THSD4: variants seen among roughly 807,000 people sequenced by gnomAD.
THSD4 encodes the protein thrombospondin type 1 domain containing 4, also known as thrombospondin type-1 domain-containing protein 4.
In THSD4, 69 loss-of-function variants were observed where a neutral mutation model predicts 119.0. The ratio of observed to expected loss-of-function variants is 0.58; its 90% confidence interval spans 0.48 to 0.71. The LOEUF is 0.71. Among genes scored for constraint, THSD4 ranks in the 30% least tolerant of loss-of-function variants. THSD4 has a pLI of 0.00. For synonymous variants in THSD4, 524 were observed against 540.4 expected, an observed-to-expected ratio of 0.97 and a Z score of 0.42; for missense variants, 1,393 against 1,391.1, an observed-to-expected ratio of 1.00 and a Z score of -0.02.
chr15:71,764,640 A>C (rs1026373443), intron 15 of THSD4, among the ~76,000 whole-genome samples: 7 of 152,368 alleles, frequency 4.6e-5, no homozygotes, highest in Middle Eastern at 3.4e-3. Context: ...TAAGAATGTC[A>C]GTTCATTGTC....
intron 7 of THSD4, among the ~76,000 whole-genome samples, chr15:71,567,174 G>A (rs1009897133): frequency 3.3e-5 from 5 of 152,160 alleles, no homozygotes; most frequent in African/African-American, 4.8e-5. Context: ...GAGGCAGCAC[G>A]TTGCAATCAT....
At chr15:71,099,691 A>T (rs1287050314) in intron 1 of THSD4, among the ~76,000 whole-genome samples, 1 of 152,122 alleles carries the variant, frequency 6.6e-6, no homozygotes, top group African/African-American at 2.4e-5. Context: ...TTTGCTGGGC[A>T]TGGTGGCTCA....
At chr15:71,683,604 T>C (rs2051843561) in intron 8 of THSD4, among the ~76,000 whole-genome samples, 1 of 152,200 alleles carries the variant, frequency 6.6e-6, no homozygotes, top group African/African-American at 2.4e-5. Flanking sequence ...AGGAATGTGA[T>C]CCTTGAATTC....
intron 4 of THSD4, among the ~76,000 whole-genome samples, chr15:71,217,841 C>G (rs115509949): frequency 0.036 from 5,135 of 141,536 alleles, 331 homozygotes; most frequent in African/African-American, 0.13. Flanking sequence ...GGCTAGAGTG[C>G]AGTGGTACCA....
At chr15:71,236,486 G>T (rs1217332914) in intron 4 of THSD4, among the ~76,000 whole-genome samples, 1 of 152,190 alleles carries the variant, frequency 6.6e-6, no homozygotes, top group African/African-American at 2.4e-5. Flanking sequence ...TGAGACTTCT[G>T]TTCCTACATA....
At chr15:71,516,217 T>C (rs1479638490) in intron 7 of THSD4, among the ~76,000 whole-genome samples, 1 of 152,222 alleles carries the variant, frequency 6.6e-6, no homozygotes, top group East Asian at 1.9e-4. Context: ...GAATAACATC[T>C]GTGTTTGGTG....
At chr15:71,259,937 G>C (rs1025851058) in intron 6 of THSD4, among the ~76,000 whole-genome samples, 8 of 152,172 alleles carry the variant, frequency 5.3e-5, no homozygotes, top group African/African-American at 1.4e-4. Flanking sequence ...GTGGATAATA[G>C]CTGCTTTATT....
At chr15:71,484,364 G>A (rs1595813577) in intron 7 of THSD4, among the ~76,000 whole-genome samples, 1 of 152,144 alleles carries the variant, frequency 6.6e-6, no homozygotes, top group African/African-American at 2.4e-5. Flanking sequence ...CTGGCCCTGG[G>A]TCTCTTCTTA....
At chr15:71,189,418 C>G (rs1484526739) in intron 3 of THSD4, among the ~76,000 whole-genome samples, 3 of 152,190 alleles carry the variant, frequency 2.0e-5, no homozygotes, top group African/African-American at 2.4e-5. Context: ...CGCCTGTAAT[C>G]CCAGCACTTT....
At chr15:71,622,086 C>G (rs779559585) in intron 7 of THSD4, among the ~76,000 whole-genome samples, 6 of 152,132 alleles carry the variant, frequency 3.9e-5, no homozygotes, top group Non-Finnish European at 8.8e-5. Flanking sequence ...ATTCCCGATG[C>G]CAAAAGTTGG....
At chr15:71,523,231 T>C (rs959250801) in intron 7 of THSD4, among the ~76,000 whole-genome samples, 2 of 152,226 alleles carry the variant, frequency 1.3e-5, no homozygotes, top group African/African-American at 4.8e-5. Flanking sequence ...CCAGCAGGGC[T>C]GTGCTGCCTC....
rs563476190 is a variant in THSD4, at chr15:71,460,305, G to GTTT, written c.1152+48502_1152+48504dup. Among the ~76,000 whole-genome samples the GTTT allele has an allele frequency of 7.8e-4, 95 of 122,568 alleles. 1 individual carries two copies. The highest frequency in any genetic ancestry group is 1.1e-3 in the Non-Finnish European group (65 of 58,984). The allele number at this position is 122,568 out of a possible 152,430, so 80.4% of individuals were successfully genotyped here. A position where few individuals can be genotyped will look rare whatever the true frequency, so the allele number is the denominator to read the frequency against. On this transcript the variant is annotated intron_variant, in intron 7 of 17. Transcript: ENST00000261862. ...GTGGAGAAGAAATACAAGTTGCCTG[G>GTTT]TTTTTTTTTTTTTTTTTTTTTTGAA...
At chr15:71,112,055 G>C (rs774882862), upstream of THSD4, 2 of 1,579,096 alleles carry the variant, frequency 1.3e-6, no homozygotes, top group African/African-American at 2.7e-5. Context: ...CTGTTCACAC[G>C]TTGCTCTTAT....
chr15:71,456,388 T>C lies in THSD4; in HGVS notation c.1152+44565T>C, dbSNP rs76380129. ...TGGTCAGATGGTGAAGATGCTTAAA[T>C]GATCATCTTTGTTGAAAAAGAAAAA... On this transcript the variant is annotated intron_variant, in intron 7 of 17. Transcript: ENST00000261862. Among the ~76,000 whole-genome samples, 4 of 152,344 alleles carry C rather than the reference T, an allele frequency of 2.6e-5. No homozygotes were observed. The Middle Eastern group carries it at 0.01, about 389-fold the overall frequency.
chr15:71,707,454 CAG>C (rs1224095737), intron 8 of THSD4, among the ~76,000 whole-genome samples: 4 of 152,146 alleles, frequency 2.6e-5, no homozygotes, highest in Non-Finnish European at 4.4e-5. Context: ...ATGTGAATAT[CAG>C]AGATATCAAA....
chr15:71,297,492 T>A (rs1298230953), intron 6 of THSD4, among the ~76,000 whole-genome samples: 2 of 152,018 alleles, frequency 1.3e-5, no homozygotes, highest in Admixed American at 1.3e-4. Context: ...CGTGCCCCCA[T>A]GCCTGGCTAA....
chr15:71,638,819 T>G (rs1034642872), intron 7 of THSD4, among the ~76,000 whole-genome samples: 2 of 152,238 alleles, frequency 1.3e-5, no homozygotes, highest in African/African-American at 4.8e-5. Flanking sequence ...TGACAACTAC[T>G]GTAATGACAA....
chr15:71,583,458 G>T (rs940766817), intron 7 of THSD4, among the ~76,000 whole-genome samples: 11 of 147,056 alleles, frequency 7.5e-5, no homozygotes, highest in Non-Finnish European at 1.2e-4. Flanking sequence ...TTTGGGCTTT[G>T]TTTTTTTTTT....
At chr15:71,522,797 A>G (rs1259380437) in intron 7 of THSD4, among the ~76,000 whole-genome samples, 2 of 152,220 alleles carry the variant, frequency 1.3e-5, no homozygotes, top group African/African-American at 4.8e-5. Flanking sequence ...GTTTATGGAT[A>G]TCTACCTTGA....
Sources: gnomAD v4.1 joint callset for allele counts (sites outside exome capture counted in the v4.1 genomes callset) on GRCh38, gnomAD v4.1.1 for gene constraint, MANE v1.5 for transcripts, NCBI Gene and HGNC (gene_info 2026-07-23, HGNC 2026-07-21) for gene names.